PAXBP1: variants seen among roughly 807,000 people sequenced by gnomAD.
PAXBP1 encodes the protein PAX3- and PAX7-binding protein 1.
Under a neutral mutation model 119.9 loss-of-function variants are expected in PAXBP1, and 44 were observed. The observed-to-expected ratio is 0.37, with a 90% CI of 0.29 to 0.47. The LOEUF (loss-of-function observed/expected upper bound fraction) is 0.47. Among genes scored for constraint, PAXBP1 ranks in the 20% least tolerant of loss-of-function variants. PAXBP1 has a pLI of 0.99. For synonymous variants in PAXBP1, 393 were observed against 406.6 expected (o/e 0.97, Z 0.40); for missense variants, 898 against 1,134.1 (o/e 0.79, Z 2.99).
intron 15 of PAXBP1, among the ~76,000 whole-genome samples, chr21:32,740,999 G>A (rs1345952834): frequency 1.3e-5 from 2 of 152,138 alleles, no homozygotes; most frequent in Non-Finnish European, 2.9e-5. Flanking sequence ...TGTCATTAGG[G>A]AAATGCAAAT....
At chr21:32,736,036 AAT>A (rs1391008624) in intron 17 of PAXBP1, among the ~76,000 whole-genome samples, 1 of 152,272 alleles carries the variant, frequency 6.6e-6, no homozygotes, top group Non-Finnish European at 1.5e-5. Context: ...AACACTGTTA[AAT>A]ATATGTAAAT....
chr21:32,761,174 A>G lies in PAXBP1; in HGVS notation c.872-12T>C, dbSNP rs1367999177. On this transcript the variant is annotated splice_polypyrimidine_tract_variant and intron_variant, in intron 4 of 17. Coordinates refer to ENST00000331923, the MANE Select transcript of PAXBP1 (RefSeq NM_016631.4). ...ACTCCCCTCAATTCCTACAGCCATG[A>G]GCAACAAAGAAAAGTAAGTAACACC... The G allele has an allele frequency of 6.2e-7, 1 of 1,605,650 alleles. No individual in the cohort carries two copies. Among genetic ancestry groups the G allele is most frequent in the Non-Finnish European group, 8.5e-7 (1 of 1,173,886 alleles).
chr21:32,765,212 T>C (rs2044220388), intron 2 of PAXBP1, among the ~76,000 whole-genome samples: 1 of 152,186 alleles, frequency 6.6e-6, no homozygotes, highest in Admixed American at 6.5e-5. Flanking sequence ...TACATGAATA[T>C]GTAAACTAGG....
chr21:32,743,630 G>A (rs2043823393), intron 14 of PAXBP1, 48 bp downstream of exon 14: 1 of 1,380,132 alleles, frequency 7.2e-7, no homozygotes, highest in South Asian at 1.2e-5. Flanking sequence ...AGCCTTCTCT[G>A]AAACACAATG....
chr21:32,768,327 T>C (rs1293787719), intron 2 of PAXBP1, among the ~76,000 whole-genome samples: 1 of 152,214 alleles, frequency 6.6e-6, no homozygotes, highest in Non-Finnish European at 1.5e-5. Flanking sequence ...ACTTCTATTG[T>C]TTATAAATTA....
intron 7 of PAXBP1, chr21:32,755,565 G>T: frequency 4.8e-6 from 2 of 415,602 alleles, no homozygotes; most frequent in Non-Finnish European, 8.3e-6. Flanking sequence ...AATGTCCAGT[G>T]CCTAGTTATT....
intron 17 of PAXBP1, among the ~76,000 whole-genome samples, chr21:32,736,428 C>CCA (rs1407574278): frequency 6.6e-6 from 1 of 152,072 alleles, no homozygotes; most frequent in African/African-American, 2.4e-5. Flanking sequence ...ACCTCATGAT[C>CCA]CACCTGCCTC....
chr21:32,748,293 CA>C (rs1282593191), intron 11 of PAXBP1, among the ~76,000 whole-genome samples: 2 of 151,776 alleles, frequency 1.3e-5, no homozygotes, highest in Admixed American at 6.6e-5. Context: ...ACAACAACAA[CA>C]AAAAAAACAC....
chr21:32,759,341 T>C, intron 6 of PAXBP1, 72 bp from the exon 7 acceptor site: 2 of 1,353,456 alleles, frequency 1.5e-6, no homozygotes, highest in East Asian at 2.3e-5. Flanking sequence ...TCTTGCAATA[T>C]TAAAATATGC....
chr21:32,771,011 T>G (rs532581081), intron 1 of PAXBP1, among the ~76,000 whole-genome samples: 1 of 152,206 alleles, frequency 6.6e-6, no homozygotes, highest in African/African-American at 2.4e-5. Context: ...CCACACCAAG[T>G]TGGCCCTGAA....
chr21:32,758,349 A>G (rs2044076948), intron 7 of PAXBP1, among the ~76,000 whole-genome samples: 1 of 152,078 alleles, frequency 6.6e-6, no homozygotes, highest in Non-Finnish European at 1.5e-5. Flanking sequence ...AAGGCTGCAA[A>G]GTCCACAAAT....
At chr21:32,757,850 T>C (rs2044068811) in intron 7 of PAXBP1, among the ~76,000 whole-genome samples, 1 of 152,222 alleles carries the variant, frequency 6.6e-6, no homozygotes, top group Non-Finnish European at 1.5e-5. Flanking sequence ...CTGTCAACTC[T>C]TGACACTTAG....
chr21:32,762,163 ATCG>A lies in PAXBP1; in HGVS notation c.801_803del (p.Asp268del). The A allele has an allele frequency of 6.2e-7, 1 of 1,614,070 alleles. No individual in the cohort carries two copies. The highest frequency in any genetic ancestry group is 8.5e-7 in the Non-Finnish European group (1 of 1,179,922). On this transcript the variant is annotated inframe_deletion, in exon 4 of 18. Transcript: ENST00000331923. ...CAGAAAAAACTATCCGGCGTTTCTC[ATCG>A]TCATCTTCATCATCACTGGCATCAT...
At position 32,734,996 on chromosome 21, in the gene PAXBP1, C is replaced by T. The variant is rs762861716; in HGVS notation, c.2708G>A (p.Ser903Asn). 22 of 1,613,744 alleles carry T rather than the reference C, an allele frequency of 1.4e-5. No individual in the cohort carries two copies. The South Asian group carries it at 2.0e-4, about 14-fold the overall frequency. The change falls in exon 18 of 18, where the codon AGT becomes AAT. Residue 903 changes from serine (S) to asparagine (N), a missense_variant. Ser to Asn is a conservative substitution (Grantham distance 46). Transcript: ENST00000331923. ...CTTAAATTCTTTCACATTGTGGTCACTTGCAACAGACATAGCATGATCCAA... is the reference window on the plus strand; with the variant it reads ...CTTAAATTCTTTCACATTGTGGTCATTTGCAACAGACATAGCATGATCCAA... ...RALDHAMSVA[S>N]DHNVKEFKSL...
chr21:32,742,695 A>C lies in PAXBP1; in HGVS notation c.2334+553T>G, dbSNP rs112403415. 1.8e-3 allele frequency: 404 copies of C among 220,176 alleles called. 1 individual carries two copies. The highest frequency in any genetic ancestry group is 8.4e-3 in the African/African-American group (360 of 42,878). The allele number at this position is 220,176 out of a possible 1,614,324, so 13.6% of individuals were successfully genotyped here. On this transcript the variant is annotated intron_variant, in intron 15 of 17. Coordinates refer to ENST00000331923, the MANE Select transcript of PAXBP1 (RefSeq NM_016631.4). ...TCAGAAGAGTATCTGCTACAGCAGTACTCCTTATCTGTGGTTTCAGTCAGC... is the reference window on the plus strand; with the variant it reads ...TCAGAAGAGTATCTGCTACAGCAGTCCTCCTTATCTGTGGTTTCAGTCAGC...
chr21:32,753,821 C>T (rs2044000680), intron 8 of PAXBP1, among the ~76,000 whole-genome samples: 1 of 152,166 alleles, frequency 6.6e-6, no homozygotes, highest in Admixed American at 6.5e-5. Context: ...AAGTAAATAG[C>T]TCCATATTCT....
chr21:32,739,376 A>G (rs2043740122), intron 15 of PAXBP1, among the ~76,000 whole-genome samples: 1 of 152,176 alleles, frequency 6.6e-6, no homozygotes, highest in Admixed American at 6.5e-5. Flanking sequence ...TCACTACCCC[A>G]TCAGTAAAGT....
intron 6 of PAXBP1, 151 bp from the exon 7 acceptor site, chr21:32,759,420 TCAAAAAA>T: frequency 1.2e-6 from 1 of 851,922 alleles, no homozygotes; most frequent in Non-Finnish European, 1.7e-6. Flanking sequence ...GCTTTTTTTC[TCAAAAAA>T]CAAAAAATGG....
intron 17 of PAXBP1, among the ~76,000 whole-genome samples, chr21:32,736,233 G>A (rs1291107369): frequency 1.3e-5 from 2 of 152,164 alleles, no homozygotes; most frequent in Non-Finnish European, 2.9e-5. Flanking sequence ...TCTTTCACCA[G>A]GCTGGAATGC....
Sources: allele counts gnomAD v4.1 joint callset (sites outside exome capture counted in the v4.1 genomes callset), GRCh38; gene constraint gnomAD v4.1.1; transcripts MANE v1.5; gene names NCBI Gene and HGNC (gene_info 2026-07-23, HGNC 2026-07-21).